Variants in LTBP3 observed in about 807,000 individuals in gnomAD.
The protein encoded by LTBP3 is latent-transforming growth factor beta-binding protein 3.
LTBP3 carries 97 observed loss-of-function variants against 159.7 expected under a neutral mutation model. That is an observed-to-expected ratio of 0.61 (90% confidence interval 0.52 to 0.72). The LOEUF (loss-of-function observed/expected upper bound fraction) is 0.72, where lower values mean the gene tolerates loss of function less well. Among genes scored for constraint, LTBP3 ranks in the 30% least tolerant of loss-of-function variants. The probability of loss-of-function intolerance (pLI) is 0.00; values close to 1 mark genes in which losing one functional copy is unlikely to be tolerated. For synonymous variants in LTBP3, 824 were observed against 777.1 expected (o/e 1.06, Z -1.00); for missense variants, 1,584 against 1,864.3 (o/e 0.85, Z 2.77).
At position 65,553,990 on chromosome 11, in the gene LTBP3, C is replaced by A; in HGVS notation, c.661+61G>T. 6.3e-7 allele frequency: 1 copy of A among 1,581,896 alleles called. No individual in the cohort carries two copies. Among genetic ancestry groups the A allele is most frequent in the Non-Finnish European group, 8.6e-7 (1 of 1,166,542 alleles). ...CTCCTCCAGGGCTGAACCTGCCCTG[C>A]CCTGGCCACCCTAGTGCCCACCCAC... On this transcript the variant is annotated intron_variant, in intron 2 of 27. Transcript: ENST00000301873. The surrounding 1 kb of genome is among the most constrained non-coding windows in gnomAD (Gnocchi z 6.5).
rs775020033 is a variant in LTBP3, at chr11:65,538,582, C to T, written c.*498G>A. On this transcript the variant is annotated 3_prime_UTR_variant, in exon 28 of 28. Coordinates refer to ENST00000301873, the MANE Select transcript of LTBP3 (RefSeq NM_001130144.3). ...GCTGGACTGAACCGTGGCGGTGGCC[C>T]TTCCCGGCTGCGGAGAGCCCGCCCC... 5.6e-6 allele frequency: 9 copies of T among 1,605,988 alleles called. No homozygotes were observed. Among genetic ancestry groups the T allele is most frequent in the African/African-American group, 2.7e-5 (2 of 74,838 alleles).
chr11:65,543,473 C>T lies in LTBP3; in HGVS notation c.2430G>A (p.Gln810=), dbSNP rs1284246977. 1.2e-6 allele frequency: 2 copies of T among 1,614,026 alleles called. No homozygotes were observed. The highest frequency in any genetic ancestry group is 2.2e-5 in the East Asian group (1 of 44,904). The part of the protein sequence containing the change: ...CSNTPGSFQC[Q]CLSGYHLSRD... Reference sequence around the variant, plus strand: ...TGGACAGATGGTAGCCAGAGAGGCACTGACACTGGAAAGATCCTGGCGTGT... The same window carrying T: ...TGGACAGATGGTAGCCAGAGAGGCATTGACACTGGAAAGATCCTGGCGTGT... The change falls in exon 17 of 28, where the codon CAG becomes CAA. Residue 810 remains glutamine (Q), a synonymous_variant. Coordinates refer to ENST00000301873, the MANE Select transcript of LTBP3 (RefSeq NM_001130144.3).
intron 18 of LTBP3, among the ~76,000 whole-genome samples, chr11:65,542,193 G>A (rs1266803998): frequency 6.6e-6 from 1 of 151,862 alleles, no homozygotes; most frequent in Non-Finnish European, 1.5e-5. Context: ...TCCTACTTAC[G>A]TTTCAGTCCA....
Position 65,554,062 on chromosome 11 carries a change from A to G in LTBP3, c.650T>C (p.Ile217Thr). 5 of 1,603,484 alleles carry G rather than the reference A, an allele frequency of 3.1e-6. No homozygotes were observed. The highest frequency in any genetic ancestry group is 4.2e-6 in the Non-Finnish European group (5 of 1,179,414). The change falls in exon 2 of 28, where the codon ATC becomes ACC. Residue 217 changes from isoleucine to threonine, a missense_variant. Physicochemically the swap from Ile to Thr is moderately conservative, Grantham distance 89. Transcript: ENST00000301873. The surrounding 1 kb of genome is among the most constrained non-coding windows in gnomAD (Gnocchi z 5.3). ...AFLVPLGPGQ[I>T]SAEVQAPPPV... ...CAGTTGCCTGGTACCTTCTGCTGAG[A>G]TCTGTCCCGGGCCTAGGGGCACCAG...
chr11:65,555,978 G>A (rs754705043), intron 1 of LTBP3, among the ~76,000 whole-genome samples: 9 of 152,146 alleles, frequency 5.9e-5, no homozygotes, highest in Admixed American at 1.3e-4. Flanking sequence ...TGTCCTGGGC[G>A]GGGGGAGGTA....
chr11:65,553,327 A>T lies in LTBP3; in HGVS notation c.971-71T>A, dbSNP rs1380610196. 1 of 1,163,724 alleles carries T rather than the reference A, an allele frequency of 8.6e-7. No homozygotes were observed. The highest frequency in any genetic ancestry group is 1.2e-6 in the Non-Finnish European group (1 of 839,062). The allele number at this position is 1,163,724 out of a possible 1,614,324, so 72.1% of individuals were successfully genotyped here. ...GGGGAGGGGCACAGCAGATGTAGAG[A>T]GGAATCTGGTGACCTGGGGACTCCC... On this transcript the variant is annotated intron_variant, in intron 4 of 27. Coordinates refer to ENST00000301873, the MANE Select transcript of LTBP3 (RefSeq NM_001130144.3). This position sits in a 1 kb window ranked among gnomAD's most constrained non-coding sequence, Gnocchi z 6.5.
chr11:65,546,455 G>GC lies in LTBP3; in HGVS notation c.2339dup (p.Arg781ProfsTer10), dbSNP rs1856372426. 5 of 1,568,460 alleles carry GC rather than the reference G, an allele frequency of 3.2e-6. No homozygotes were observed. Among genetic ancestry groups the GC allele is most frequent in the Non-Finnish European group, 3.4e-6 (4 of 1,164,746 alleles). On this transcript the variant is annotated frameshift_variant, in exon 16 of 28. Coordinates refer to ENST00000301873, the MANE Select transcript of LTBP3 (RefSeq NM_001130144.3). LOFTEE classifies it high-confidence loss of function. This position sits in a 1 kb window ranked among gnomAD's most constrained non-coding sequence, Gnocchi z 4.0. ...GCTGGCGCTCACCCAAGCAACTGCG[G>GC]CCGTCGGGCGCGGGCGCGTAGCCCT...
At chr11:65,550,518 T>C (rs1394112388) in intron 11 of LTBP3, among the ~76,000 whole-genome samples, 2 of 152,016 alleles carry the variant, frequency 1.3e-5, no homozygotes, top group South Asian at 2.1e-4. Flanking sequence ...GAAGGCTTTC[T>C]GAACAGATTT....
Position 65,552,525 on chromosome 11 carries a change from T to A in LTBP3, c.1187-119A>T. 1 of 1,269,740 alleles carries A rather than the reference T, an allele frequency of 7.9e-7. No homozygotes were observed. The highest frequency in any genetic ancestry group is 1.1e-6 in the Non-Finnish European group (1 of 906,200). 78.7% of individuals were successfully genotyped at this position (1,269,740 alleles called of 1,614,324 possible). A position where few individuals can be genotyped will look rare whatever the true frequency, so the allele number is the denominator to read the frequency against. Reference sequence around the variant, plus strand: ...ACAACCCTTGATCCCCCATGTGGTCTCTGACCCCATATGACCCTGAACTCA... The same window carrying A: ...ACAACCCTTGATCCCCCATGTGGTCACTGACCCCATATGACCCTGAACTCA... On this transcript the variant is annotated intron_variant, in intron 6 of 27. Coordinates refer to ENST00000301873, the MANE Select transcript of LTBP3 (RefSeq NM_001130144.3). This position sits in a 1 kb window ranked among gnomAD's most constrained non-coding sequence, Gnocchi z 6.0.
chr11:65,539,598 C>T lies in LTBP3; in HGVS notation c.3578G>A (p.Ser1193Asn), dbSNP rs751533168. The change falls in exon 26 of 28, where the codon AGC becomes AAC. Residue 1193 changes from serine (S) to asparagine (N), a missense_variant. This residue lies in a region of LTBP3 where 514 missense variants were observed against 530.3 expected (regional missense o/e 0.97). Coordinates refer to ENST00000301873, the MANE Select transcript of LTBP3 (RefSeq NM_001130144.3). ...GGGGCTTGTGTCCCAGAAGGAATTG[C>T]TCTCGCTCTGCGATGTCGGGCAATG... ...GSHCPTSQSESNSFWDTSPLL... is the reference protein window; with the variant it reads ...GSHCPTSQSENNSFWDTSPLL... The T allele has an allele frequency of 1.9e-6, 3 of 1,612,650 alleles. No homozygotes were observed. Among genetic ancestry groups the T allele is most frequent in the Non-Finnish European group, 2.5e-6 (3 of 1,179,350 alleles).
Position 65,558,026 on chromosome 11 carries a change from G to C in LTBP3, c.-67C>G, listed in dbSNP as rs1856873484. ...GGGGCGAGGGGCCCGCGCCCGAAGG[G>C]AGTAGAGGGCCGGGAGCCCCGGGAG... On this transcript the variant is annotated 5_prime_UTR_variant, in exon 1 of 28. Transcript: ENST00000301873. 3.7e-6 allele frequency: 4 copies of C among 1,085,060 alleles called. No homozygotes were observed. The African/African-American group carries it at 6.7e-5, about 18-fold the overall frequency. 67.2% of individuals were successfully genotyped at this position (1,085,060 alleles called of 1,614,324 possible).
rs1856876619 is a variant in LTBP3 at position 65,558,084 on chromosome 11, G to T, written c.-125C>A. ...GGGGCAGCGAGGGAGGGCAGCGGGGGAAGCGGGCGGGAGGGGACCGCGGGG... is the reference window on the plus strand; with the variant it reads ...GGGGCAGCGAGGGAGGGCAGCGGGGTAAGCGGGCGGGAGGGGACCGCGGGG... On this transcript the variant is annotated 5_prime_UTR_variant, in exon 1 of 28. Coordinates refer to ENST00000301873, the MANE Select transcript of LTBP3 (RefSeq NM_001130144.3). 3.8e-6 allele frequency: 4 copies of T among 1,040,056 alleles called. No homozygotes were observed. The highest frequency in any genetic ancestry group is 1.2e-6 in the Non-Finnish European group (1 of 856,688). The allele number at this position is 1,040,056 out of a possible 1,614,324, so 64.4% of individuals were successfully genotyped here. A position where few individuals can be genotyped will look rare whatever the true frequency, so the allele number is the denominator to read the frequency against.
intron 19 of LTBP3, 28 bp downstream of exon 19, chr11:65,541,571 TC>T (rs1397040073): frequency 6.2e-7 from 1 of 1,613,930 alleles, no homozygotes; most frequent in Non-Finnish European, 8.5e-7. Flanking sequence ...AGTTGTCCAG[TC>T]CGAGGGAGGA....
rs959073244 is a variant in LTBP3 at position 65,539,245 on chromosome 11, C to T, written c.3761-14G>A. On this transcript the variant is annotated splice_polypyrimidine_tract_variant and intron_variant, in intron 27 of 27. Coordinates refer to ENST00000301873, the MANE Select transcript of LTBP3 (RefSeq NM_001130144.3). ...ACTCGTCGATATCTGAAGGTGAGGG[C>T]GACAGGTGCGGCTTCGCTGAGCCTC... 1.4e-5 allele frequency: 22 copies of T among 1,524,626 alleles called. No homozygotes were observed. In the African/African-American group the frequency reaches 2.4e-4, roughly 17 times the overall value. 94.4% of individuals were successfully genotyped at this position (1,524,626 alleles called of 1,614,324 possible). A position where few individuals can be genotyped will look rare whatever the true frequency, so the allele number is the denominator to read the frequency against.
chr11:65,550,995 T>C, intron 11 of LTBP3, 131 bp downstream of exon 11: 10 of 776,162 alleles, frequency 1.3e-5, no homozygotes, highest in Non-Finnish European at 2.2e-5. Flanking sequence ...CTCACCAGGC[T>C]TCCCCAGTGC....
Position 65,553,984 on chromosome 11 carries a change from G to A in LTBP3, c.661+67C>T. 1 of 1,577,590 alleles carries A rather than the reference G, an allele frequency of 6.3e-7. No individual in the cohort carries two copies. Among genetic ancestry groups the A allele is most frequent in the South Asian group, 1.1e-5 (1 of 89,702 alleles). On this transcript the variant is annotated intron_variant, in intron 2 of 27. Coordinates refer to ENST00000301873, the MANE Select transcript of LTBP3 (RefSeq NM_001130144.3). The surrounding 1 kb of genome is among the most constrained non-coding windows in gnomAD (Gnocchi z 6.5). ...GCTGAGCTCCTCCAGGGCTGAACCT[G>A]CCCTGCCCTGGCCACCCTAGTGCCC...
Position 65,547,741 on chromosome 11 carries a change from A to G in LTBP3, c.1927T>C (p.Cys643Arg). ...MNTGGSYNCH[C>R]NRGYRLHVGA... is the part of the protein sequence containing the mutation. ...ACGTGCAGGCGGTAGCCGCGGTTGC[A>G]GTGGCAATTGTAGGAGCCGCCGGTG... Residue 643 changes from cysteine (C) to arginine (R), a missense_variant, in exon 13 of 28, where the codon TGC (cysteine) becomes CGC (arginine). This residue lies in a region of LTBP3 where 565 missense variants were observed against 677.7 expected (regional missense o/e 0.83). Transcript: ENST00000301873. This position sits in a 1 kb window ranked among gnomAD's most constrained non-coding sequence, Gnocchi z 4.6. 1.2e-6 allele frequency: 2 copies of G among 1,608,740 alleles called. No individual in the cohort carries two copies. The highest frequency in any genetic ancestry group is 1.7e-6 in the Non-Finnish European group (2 of 1,178,278).
In LTBP3 at chr11:65,547,422, G is replaced by A; in HGVS notation, c.2107+17C>T. On this transcript the variant is annotated intron_variant, in intron 14 of 27. Transcript: ENST00000301873. The surrounding 1 kb of genome is among the most constrained non-coding windows in gnomAD (Gnocchi z 4.6). ...AGCTAAGGAGCTCCTTCTTTGGTCT[G>A]AATGGGGTCCCCTCACCTTCGCACA... 6.2e-7 allele frequency: 1 copy of A among 1,612,358 alleles called. No individual in the cohort carries two copies. The highest frequency in any genetic ancestry group is 8.5e-7 in the Non-Finnish European group (1 of 1,179,926).
rs535412271 is a variant in LTBP3 at position 65,551,810 on chromosome 11, A to ATAT, written c.1531+159_1531+161dup. 642 of 984,150 alleles carry ATAT rather than the reference A, an allele frequency of 6.5e-4. 3 individuals carry two copies. In the African/African-American group the frequency reaches 8.6e-3, roughly 13 times the overall value. The allele number at this position is 984,150 out of a possible 1,614,324, so 61.0% of individuals were successfully genotyped here. On this transcript the variant is annotated intron_variant, in intron 8 of 27. Transcript: ENST00000301873. The stretch of plus-strand genomic sequence containing the variant: ...TTAGGAGGTTATAGCTCAGGGTCAA[A>ATAT]TATCTGGGTCAGGGGTCAGAGGGTC...
Sources: gnomAD v4.1 joint callset for allele counts (sites outside exome capture counted in the v4.1 genomes callset) on GRCh38, gnomAD v4.1.1 for gene constraint, gnomAD v4.1.1 regional missense constraint, Gnocchi (gnomAD v3.1) non-coding constraint, MANE v1.5 for transcripts, NCBI Gene and HGNC (gene_info 2026-07-23, HGNC 2026-07-21) for gene names.